STIM2: variants seen among roughly 807,000 people sequenced by gnomAD.
STIM2 encodes stromal interaction molecule 2.
STIM2 carries 31 observed loss-of-function variants against 85.8 expected under a neutral mutation model. The observed-to-expected ratio is 0.36, with a 90% CI of 0.27 to 0.49. The LOEUF is 0.49. STIM2 is among the 20% of genes least tolerant of loss of function. The pLI, the probability that STIM2 is intolerant of heterozygous loss-of-function variation, is 0.98. For missense variants in STIM2, 841 were observed against 927.6 expected (o/e 0.91, Z 1.21); for synonymous variants, 356 against 331.1 (o/e 1.08, Z -0.82).
intron 3 of STIM2, among the ~76,000 whole-genome samples, chr4:26,992,567 G>C (rs1235972000): frequency 1.3e-5 from 2 of 152,010 alleles, no homozygotes; most frequent in African/African-American, 4.8e-5. Context: ...GTAATGTTCA[G>C]AAAGGTTCAC....
intron 11 of STIM2, chr4:27,021,102 T>C: frequency 6.7e-7 from 1 of 1,502,514 alleles, no homozygotes; most frequent in Non-Finnish European, 9.0e-7. Context: ...CTTTAATATC[T>C]CACTCTGTTC....
rs1577478168 is a variant in STIM2, at chr4:26,982,002, C to T, written c.398-13377C>T. On this transcript the variant is annotated intron_variant, in intron 3 of 11. Transcript: ENST00000467087. Reference sequence around the variant, plus strand: ...TTTTTGGTGGAGAGATACTTGAAGACTATTTAAAATCACATTCCTCATTTC... The same window carrying T: ...TTTTTGGTGGAGAGATACTTGAAGATTATTTAAAATCACATTCCTCATTTC... 7.3e-5 allele frequency among the ~76,000 whole-genome samples: 11 copies of T among 151,008 alleles called. No homozygotes were observed. The South Asian group carries it at 2.3e-3, about 32-fold the overall frequency.
intron 2 of STIM2, among the ~76,000 whole-genome samples, chr4:26,956,268 T>G (rs1407461024): frequency 1.3e-5 from 2 of 152,184 alleles, no homozygotes; most frequent in East Asian, 3.9e-4. Context: ...ATTAGAGTAA[T>G]GGGTACATAT....
intron 1 of STIM2, among the ~76,000 whole-genome samples, chr4:26,899,664 T>C (rs1162942011): frequency 6.6e-6 from 1 of 152,238 alleles, no homozygotes; most frequent in Non-Finnish European, 1.5e-5. Context: ...CACTGATGAA[T>C]ACTTTTTCCT....
At chr4:26,888,360 A>G (rs1169477218) in intron 1 of STIM2, among the ~76,000 whole-genome samples, 1 of 152,242 alleles carries the variant, frequency 6.6e-6, no homozygotes, top group Admixed American at 6.5e-5. Context: ...GTCCCTGGGT[A>G]ATGTTCATTC....
rs1455565695 is a variant in STIM2, at chr4:26,860,869, C to G, written c.-350C>G. On this transcript the variant is annotated 5_prime_UTR_variant, in exon 1 of 12. Coordinates refer to ENST00000467087, the MANE Select transcript of STIM2 (RefSeq NM_020860.4). ...GCAGCGGATCCCGGTCTCGCCGCAG[C>G]AGCAGCGCGGGTGTCGTGCACCGCC... 1.1e-6 allele frequency: 1 copy of G among 879,908 alleles called. No individual in the cohort carries two copies. Among genetic ancestry groups the G allele is most frequent in the Non-Finnish European group, 1.4e-6 (1 of 720,778 alleles). 54.5% of individuals were successfully genotyped at this position (879,908 alleles called of 1,614,324 possible).
At chr4:26,975,683 G>A (rs1052358058) in intron 3 of STIM2, among the ~76,000 whole-genome samples, 1 of 152,212 alleles carries the variant, frequency 6.6e-6, no homozygotes, top group Non-Finnish European at 1.5e-5. Context: ...ACTGGGTGAT[G>A]TCTCCCAGTT....
At chr4:26,995,632 A>G (rs1174793591) in intron 4 of STIM2, 142 bp downstream of exon 4, 3 of 390,744 alleles carry the variant, frequency 7.7e-6, no homozygotes, top group Non-Finnish European at 9.0e-6. Flanking sequence ...TAATCTTTCT[A>G]AATTATGCAT....
intron 1 of STIM2, among the ~76,000 whole-genome samples, chr4:26,877,160 T>G (rs1367974711): frequency 6.6e-6 from 1 of 152,178 alleles, no homozygotes; most frequent in Non-Finnish European, 1.5e-5. Flanking sequence ...GATAATGGTG[T>G]TCCTTTATGG....
At chr4:26,937,552 A>G (rs1725438251) in intron 2 of STIM2, among the ~76,000 whole-genome samples, 1 of 152,184 alleles carries the variant, frequency 6.6e-6, no homozygotes, top group South Asian at 2.1e-4. Flanking sequence ...AATGAATTGA[A>G]TTGTGCCTTT....
intron 3 of STIM2, among the ~76,000 whole-genome samples, chr4:26,989,961 G>T (rs1049692667): frequency 2.0e-5 from 3 of 152,080 alleles, no homozygotes; most frequent in Non-Finnish European, 4.4e-5. Flanking sequence ...AATTGAAGAG[G>T]ATTCACAAAA....
intron 1 of STIM2, among the ~76,000 whole-genome samples, chr4:26,903,765 T>C (rs1055648208): frequency 2.6e-5 from 4 of 152,138 alleles, no homozygotes; most frequent in South Asian, 2.1e-4. Context: ...TCTGATCCTG[T>C]AATGATAATA....
intron 3 of STIM2, among the ~76,000 whole-genome samples, chr4:26,981,969 CTTT>C (rs143405031): frequency 6.8e-6 from 1 of 147,556 alleles, no homozygotes; most frequent in Non-Finnish European, 1.5e-5. Flanking sequence ...ATGTGTAATT[CTTT>C]TTTTTTTTTG....
rs543652683 is a variant in STIM2 at position 26,969,086 on chromosome 4, A to G, written c.397+11360A>G. Among the ~76,000 whole-genome samples the G allele has an allele frequency of 3.7e-4, 57 of 152,340 alleles. 1 individual carries two copies. In the South Asian group the frequency reaches 6.4e-3, roughly 17 times the overall value. ...GAAAAGATTTTGTTAGGCTAATAAGAAAATAATGTAAGCTCAGAAAGGCAA... is the reference window on the plus strand; with the variant it reads ...GAAAAGATTTTGTTAGGCTAATAAGGAAATAATGTAAGCTCAGAAAGGCAA... On this transcript the variant is annotated intron_variant, in intron 3 of 11. Transcript: ENST00000467087.
intron 1 of STIM2, among the ~76,000 whole-genome samples, chr4:26,866,784 A>AT (rs1325130488): frequency 6.6e-6 from 1 of 152,116 alleles, no homozygotes; most frequent in Non-Finnish European, 1.5e-5. Flanking sequence ...TGGCATATCC[A>AT]TTTTATTAGA....
At chr4:26,911,771 A>G (rs1391487972) in intron 1 of STIM2, among the ~76,000 whole-genome samples, 1 of 152,220 alleles carries the variant, frequency 6.6e-6, no homozygotes, top group Non-Finnish European at 1.5e-5. Flanking sequence ...TCATCATGTA[A>G]CAGGTAACAT....
intron 2 of STIM2, among the ~76,000 whole-genome samples, chr4:26,921,483 A>G (rs966233691): frequency 6.6e-6 from 1 of 152,210 alleles, no homozygotes; most frequent in Non-Finnish European, 1.5e-5. Flanking sequence ...CTCCGCCACT[A>G]TAGTGTGAAG....
chr4:26,898,637 A>G (rs1723795477), intron 1 of STIM2, among the ~76,000 whole-genome samples: 1 of 152,196 alleles, frequency 6.6e-6, no homozygotes, highest in South Asian at 2.1e-4. Context: ...CATGAAATAC[A>G]GTTGATAAAA....
At chr4:26,960,542 A>C (rs769330315) in intron 3 of STIM2, among the ~76,000 whole-genome samples, 7 of 152,252 alleles carry the variant, frequency 4.6e-5, no homozygotes, top group South Asian at 2.1e-4. Context: ...TAATTGTTGA[A>C]TGAATGAAAG....
Sources: gnomAD v4.1 joint callset for allele counts (sites outside exome capture counted in the v4.1 genomes callset) on GRCh38, gnomAD v4.1.1 for gene constraint, MANE v1.5 for transcripts, NCBI Gene and HGNC (gene_info 2026-07-23, HGNC 2026-07-21) for gene names.